Variants in DCUN1D4 observed in about 807,000 individuals in gnomAD.
The protein encoded by DCUN1D4 is DCN1-like protein 4.
Under a neutral mutation model 47.9 loss-of-function variants are expected in DCUN1D4, and 22 were observed. The observed-to-expected ratio is 0.46, with a 90% CI of 0.33 to 0.66. DCUN1D4 has a LOEUF of 0.66. Among genes scored for constraint, DCUN1D4 ranks in the 30% least tolerant of loss-of-function variants. The probability of loss-of-function intolerance (pLI) is 0.02; values close to 1 mark genes in which losing one functional copy is unlikely to be tolerated. For missense variants in DCUN1D4, 301 were observed against 340.8 expected (o/e 0.88, Z 0.92); for synonymous variants, 121 against 112.2 (o/e 1.08, Z -0.50).
intron 1 of DCUN1D4, chr4:51,844,898 T>G: frequency 6.1e-6 from 6 of 985,448 alleles, no homozygotes; most frequent in Non-Finnish European, 7.2e-6. Context: ...AACTCGTGCT[T>G]TATTCCCCGG....
chr4:51,898,987 T>C (rs1731695722), intron 7 of DCUN1D4, among the ~76,000 whole-genome samples: 1 of 152,210 alleles, frequency 6.6e-6, no homozygotes, highest in Admixed American at 6.5e-5. Context: ...TTTGCAACTT[T>C]TAAATGGTAT....
At chr4:51,906,589 C>G (rs1227020107) in intron 8 of DCUN1D4, among the ~76,000 whole-genome samples, 3 of 152,186 alleles carry the variant, frequency 2.0e-5, no homozygotes, top group Non-Finnish European at 4.4e-5. Flanking sequence ...TCTCCTCACA[C>G]TCTCCCTCAT....
intron 1 of DCUN1D4, chr4:51,844,810 G>T: frequency 1.0e-6 from 1 of 985,326 alleles, no homozygotes; most frequent in Non-Finnish European, 1.2e-6. Context: ...CCCGGCCGCG[G>T]TTGGGTTGGG....
At chr4:51,889,519 A>G (rs918758844) in intron 6 of DCUN1D4, among the ~76,000 whole-genome samples, 7 of 152,192 alleles carry the variant, frequency 4.6e-5, no homozygotes, top group Admixed American at 3.3e-4. Context: ...GAACTTTCCC[A>G]TTATGAGTAC....
Position 51,913,340 on chromosome 4 carries a change from G to A in DCUN1D4, c.771G>A (p.Glu257=). Residue 257 remains glutamate (E), a synonymous_variant, in exon 10 of 11, where the codon GAG becomes GAA. Coordinates refer to ENST00000334635, the MANE Select transcript of DCUN1D4 (RefSeq NM_001040402.3). ...AAGACCAGTGGTGCAATGTCCTAGA[G>A]TTTAGCAGAACAATTAATCTTGACC... is the stretch of plus-strand genomic sequence containing the variant. ...INKDQWCNVL[E]FSRTINLDLS... 1.2e-6 allele frequency: 2 copies of A among 1,612,916 alleles called. No individual in the cohort carries two copies. The highest frequency in any genetic ancestry group is 1.7e-6 in the Non-Finnish European group (2 of 1,179,326).
chr4:51,886,443 G>A (rs1381013467), intron 5 of DCUN1D4, 125 bp from the exon 6 acceptor site: 2 of 723,008 alleles, frequency 2.8e-6, no homozygotes, highest in Non-Finnish European at 4.4e-6. Context: ...ACTTAGACTT[G>A]ATTTTTTTTT....
chr4:51,843,168 T>G lies in DCUN1D4; in HGVS notation c.-75T>G. The G allele has an allele frequency of 1.3e-6, 2 of 1,527,528 alleles. No homozygotes were observed. The highest frequency in any genetic ancestry group is 1.8e-6 in the Non-Finnish European group (2 of 1,138,004). The allele number at this position is 1,527,528 out of a possible 1,614,324, so 94.6% of individuals were successfully genotyped here. On this transcript the variant is annotated 5_prime_UTR_variant, in exon 1 of 11. Transcript: ENST00000334635. ...GCGGGTCCTCAGCTTCGAGCCGAGG[T>G]GCAGTGAGCTGGTGGGGGGACCGCG...
intron 3 of DCUN1D4, among the ~76,000 whole-genome samples, chr4:51,872,580 A>G (rs979827354): frequency 6.6e-6 from 1 of 152,114 alleles, no homozygotes; most frequent in Non-Finnish European, 1.5e-5. Context: ...CCAGGACATG[A>G]CACTCTCCTG....
intron 3 of DCUN1D4, among the ~76,000 whole-genome samples, chr4:51,871,180 A>G (rs1414642013): frequency 6.6e-6 from 1 of 151,936 alleles, no homozygotes; most frequent in African/African-American, 2.4e-5. Flanking sequence ...TAAACATTTT[A>G]ATAAATGACA....
At chr4:51,867,702 G>A (rs1379365332) in intron 3 of DCUN1D4, among the ~76,000 whole-genome samples, 1 of 152,304 alleles carries the variant, frequency 6.6e-6, no homozygotes, top group Middle Eastern at 3.4e-3. Context: ...CGTGCTGATT[G>A]GTCCATGGGC....
the DCUN1D4 span, among the ~76,000 whole-genome samples, chr4:51,834,099 C>CTTTTTTTTTTTTTTTTTTTTT: frequency 7.3e-5 from 3 of 40,828 alleles, no homozygotes; most frequent in South Asian, 1.0e-3. Context: ...TTCTTTTCTT[C>CTTTTTTTTTTTTTTTTTTTTT]TTTCTTTTTT....
At chr4:51,865,127 TA>T in intron 3 of DCUN1D4, 1 of 220,296 alleles carries the variant, frequency 4.5e-6, no homozygotes. Context: ...TATTTCTGGA[TA>T]AAGATTTGTT....
upstream of DCUN1D4, among the ~76,000 whole-genome samples, chr4:51,842,479 A>T (rs995084425): frequency 6.6e-6 from 1 of 152,234 alleles, no homozygotes; most frequent in African/African-American, 2.4e-5. Flanking sequence ...TGGGGAGAGG[A>T]TGGATCTTCG....
upstream of DCUN1D4, among the ~76,000 whole-genome samples, chr4:51,840,146 T>C (rs1721594335): frequency 6.6e-6 from 1 of 152,182 alleles, no homozygotes; most frequent in Admixed American, 6.5e-5. Flanking sequence ...TCCCAAGATA[T>C]TCAATTATTA....
chr4:51,855,821 C>T (rs541891118), intron 1 of DCUN1D4, among the ~76,000 whole-genome samples: 1 of 152,350 alleles, frequency 6.6e-6, no homozygotes, highest in East Asian at 1.9e-4. Flanking sequence ...CGTTGACATT[C>T]TCATCCCTAG....
At chr4:51,863,301 T>A in intron 1 of DCUN1D4, 136 bp from the exon 2 acceptor site, 1 of 713,364 alleles carries the variant, frequency 1.4e-6, no homozygotes, top group Non-Finnish European at 2.4e-6. Flanking sequence ...ACTAATTGCA[T>A]GTTTTTAAAA....
the DCUN1D4 span, among the ~76,000 whole-genome samples, chr4:51,834,605 T>C: frequency 0.37 from 55,609 of 151,940 alleles, 11,907 homozygotes; most frequent in East Asian, 0.61. Flanking sequence ...TTAATCTTCT[T>C]CAGCCTATTC....
At chr4:51,834,655 G>A in the DCUN1D4 span, among the ~76,000 whole-genome samples, 8 of 152,066 alleles carry the variant, frequency 5.3e-5, no homozygotes, top group East Asian at 1.2e-3. Flanking sequence ...GCCTTTACTC[G>A]CTGAGAATGG....
At chr4:51,882,663 A>G (rs1378515008) in intron 5 of DCUN1D4, among the ~76,000 whole-genome samples, 1 of 152,120 alleles carries the variant, frequency 6.6e-6, no homozygotes, top group African/African-American at 2.4e-5. Flanking sequence ...GCTACTCTGG[A>G]AGCTGAGGCA....
Sources: allele counts gnomAD v4.1 joint callset (sites outside exome capture counted in the v4.1 genomes callset), GRCh38; gene constraint gnomAD v4.1.1; transcripts MANE v1.5; gene names NCBI Gene and HGNC (gene_info 2026-07-23, HGNC 2026-07-21).